MYOF: variants seen among roughly 807,000 people sequenced by gnomAD.
MYOF encodes the protein fer-1-like 3, myoferlin.
Under a neutral mutation model 284.2 loss-of-function variants are expected in MYOF, and 244 were observed. That is an observed-to-expected ratio of 0.86 (90% confidence interval 0.77 to 0.95). The LOEUF is 0.95. Ranked by LOEUF, MYOF falls within the 40% of genes least tolerant of loss-of-function variation. The pLI is 0.00. For synonymous variants in MYOF, 904 were observed against 919.7 expected, an observed-to-expected ratio of 0.98 and a Z score of 0.31; for missense variants, 2,496 against 2,560.6, an observed-to-expected ratio of 0.97 and a Z score of 0.54.
rs2056821285 is a variant in MYOF, at chr10:93,459,291, A to G, written c.89-2354T>C. ...TACAGTATAAGAAAGTGCTCTTGAG[A>G]GAAACAGGAGACATGCAAAGAATTT... is the stretch of plus-strand genomic sequence containing the variant. On this transcript the variant is annotated intron_variant, in intron 1 of 53. Transcript: ENST00000359263. Among the ~76,000 whole-genome samples, 2 of 152,226 alleles carry G rather than the reference A, an allele frequency of 1.3e-5. 1 individual carries two copies. Among genetic ancestry groups the G allele is most frequent in the South Asian group, 4.1e-4 (2 of 4,832 alleles).
In MYOF at chr10:93,417,348, A is replaced by G. The variant is rs966995907; in HGVS notation, c.434-7609T>C. Among the ~76,000 whole-genome samples the G allele has an allele frequency of 2.7e-4, 41 of 152,160 alleles. 1 individual carries two copies. The highest frequency in any genetic ancestry group is 5.3e-4 in the Non-Finnish European group (36 of 68,026). On this transcript the variant is annotated intron_variant, in intron 5 of 53. Transcript: ENST00000359263. ...AGCAATGTAATCATTCCTGAGATGT[A>G]TTGTGATCCTCTTTCCAGACGCTCA...
In MYOF at chr10:93,400,639, A is replaced by G. The variant is rs1027549919; in HGVS notation, c.1117+779T>C. 8.5e-5 allele frequency among the ~76,000 whole-genome samples: 13 copies of G among 152,200 alleles called. No individual in the cohort carries two copies. In the South Asian group the frequency reaches 2.1e-3, roughly 24 times the overall value. On this transcript the variant is annotated intron_variant, in intron 12 of 53. Transcript: ENST00000359263. ...TCCTGGGGACTTGGAGAAGGGTCCC[A>G]TGTCCCAGAGCCCAGCAGGAACCAG...
At chr10:93,384,695 G>C (rs1037610238) in intron 19 of MYOF, among the ~76,000 whole-genome samples, 4 of 152,088 alleles carry the variant, frequency 2.6e-5, no homozygotes, top group African/African-American at 9.7e-5. Flanking sequence ...TTGGACTTAG[G>C]TGGGGTTAGG....
rs1431232824 is a variant in MYOF at position 93,427,116 on chromosome 10, G to A, written c.346-958C>T. 4.0e-5 allele frequency among the ~76,000 whole-genome samples: 6 copies of A among 150,998 alleles called. No individual in the cohort carries two copies. In the East Asian group the frequency reaches 1.2e-3, roughly 30 times the overall value. ...TTGGCCAGGCTGGTTTCGATCTCCT[G>A]ACCACGTGATCTGCCCACCTCAGCC... On this transcript the variant is annotated intron_variant, in intron 4 of 53. Coordinates refer to ENST00000359263, the MANE Select transcript of MYOF (RefSeq NM_013451.4).
chr10:93,306,764 A>C lies in MYOF; in HGVS notation c.*199T>G. 1.7e-6 allele frequency: 1 copy of C among 581,922 alleles called. No homozygotes were observed. Among genetic ancestry groups the C allele is most frequent in the Non-Finnish European group, 3.1e-6 (1 of 327,824 alleles). The allele number at this position is 581,922 out of a possible 1,614,324, so 36.0% of individuals were successfully genotyped here. A position where few individuals can be genotyped will look rare whatever the true frequency, so the allele number is the denominator to read the frequency against. On this transcript the variant is annotated 3_prime_UTR_variant, in exon 54 of 54. Coordinates refer to ENST00000359263, the MANE Select transcript of MYOF (RefSeq NM_013451.4). ...TAGAAAATAAAACTTTTAATACTTA[A>C]GAGATAACATGATGCAAACGTTGCT... is the stretch of plus-strand genomic sequence containing the variant.
At chr10:93,329,106 A>C (rs542884939) in intron 44 of MYOF, among the ~76,000 whole-genome samples, 195 bp from the exon 45 acceptor site, 1 of 152,168 alleles carries the variant, frequency 6.6e-6, no homozygotes, top group South Asian at 2.1e-4. Flanking sequence ...TCAGAGAAAC[A>C]AATGTATTTA....
chr10:93,450,039 G>A (rs1233971003), intron 3 of MYOF, among the ~76,000 whole-genome samples: 3 of 151,850 alleles, frequency 2.0e-5, no homozygotes, highest in Admixed American at 2.0e-4. Context: ...GGACAGATCA[G>A]TTGAGGCCAA....
chr10:93,389,704 C>T (rs1314107174), intron 17 of MYOF, among the ~76,000 whole-genome samples: 1 of 152,142 alleles, frequency 6.6e-6, no homozygotes, highest in Non-Finnish European at 1.5e-5. Flanking sequence ...TGAAGATTCC[C>T]ATTCATTGCT....
intron 24 of MYOF, among the ~76,000 whole-genome samples, chr10:93,370,312 TAA>T (rs71902472): frequency 0.094 from 9,970 of 106,046 alleles, 736 homozygotes; most frequent in African/African-American, 0.17. Flanking sequence ...TAATGATTAC[TAA>T]TTTTTTTTTT....
At chr10:93,400,579 T>C (rs1022676512) in intron 12 of MYOF, among the ~76,000 whole-genome samples, 3 of 152,080 alleles carry the variant, frequency 2.0e-5, no homozygotes, top group African/African-American at 7.2e-5. Flanking sequence ...CAGCAAATCC[T>C]GAAGAGATCC....
At chr10:93,424,241 T>G (rs554485896) in intron 5 of MYOF, among the ~76,000 whole-genome samples, 184 of 152,324 alleles carry the variant, frequency 1.2e-3, no homozygotes, top group African/African-American at 4.3e-3. Context: ...TGCCCTGATC[T>G]TTCCAATTCA....
intron 11 of MYOF, 112 bp from the exon 12 acceptor site, chr10:93,401,656 T>C: frequency 7.0e-7 from 1 of 1,419,492 alleles, no homozygotes; most frequent in Non-Finnish European, 9.6e-7. Flanking sequence ...TAAGATTTCC[T>C]GTGTTTGGGG....
chr10:93,455,230 G>A (rs529522418), intron 2 of MYOF, among the ~76,000 whole-genome samples: 1 of 151,218 alleles, frequency 6.6e-6, no homozygotes, highest in Non-Finnish European at 1.5e-5. Context: ...CGGAGGTTAC[G>A]GTGAGCAACC....
At chr10:93,329,239 G>A (rs1469071521) in intron 44 of MYOF, among the ~76,000 whole-genome samples, 6 of 152,178 alleles carry the variant, frequency 3.9e-5, no homozygotes, top group African/African-American at 1.2e-4. Flanking sequence ...ATCAGATACT[G>A]TGGAAAGACA....
At chr10:93,337,081 G>A (rs966061435) in intron 40 of MYOF, among the ~76,000 whole-genome samples, 1 of 151,090 alleles carries the variant, frequency 6.6e-6, no homozygotes, top group Non-Finnish European at 1.5e-5. Context: ...TTATATGCTA[G>A]TATTTCTTAA....
At chr10:93,385,622 G>A (rs1846326091) in intron 19 of MYOF, among the ~76,000 whole-genome samples, 1 of 152,132 alleles carries the variant, frequency 6.6e-6, no homozygotes, top group African/African-American at 2.4e-5. Context: ...GTGTGGCTAT[G>A]TCTTCAGAAT....
In MYOF at chr10:93,431,482, G is replaced by A; in HGVS notation, c.271C>T (p.Leu91=). The change falls in exon 4 of 54, where the codon CTG becomes TTG. Residue 91 remains leucine, a synonymous_variant. Coordinates refer to ENST00000359263, the MANE Select transcript of MYOF (RefSeq NM_013451.4). ...AGGGATCTGCTCTGGTCACCAGTCA[G>A]GTCCTTCAGGGCTACAGTCGCCGTG... ...IGTATVALKD[L]TGDQSRSLPY... The A allele has an allele frequency of 6.2e-7, 1 of 1,614,004 alleles. No individual in the cohort carries two copies.
intron 1 of MYOF, among the ~76,000 whole-genome samples, chr10:93,476,086 G>A (rs561576541): frequency 5.9e-5 from 9 of 152,082 alleles, no homozygotes; most frequent in Middle Eastern, 3.4e-3. Context: ...GGGAATACCC[G>A]AGTAGTGTGA....
At chr10:93,384,856 G>A (rs1262906192) in intron 19 of MYOF, among the ~76,000 whole-genome samples, 1 of 152,120 alleles carries the variant, frequency 6.6e-6, no homozygotes, top group African/African-American at 2.4e-5. Context: ...AAGTGGCTGT[G>A]GACACACAAG....
Sources: gnomAD v4.1 joint callset for allele counts (sites outside exome capture counted in the v4.1 genomes callset) on GRCh38, gnomAD v4.1.1 for gene constraint, MANE v1.5 for transcripts, NCBI Gene and HGNC (gene_info 2026-07-23, HGNC 2026-07-21) for gene names.